The following PPFIBP2 variants were observed in gnomAD, a reference collection of about 807,000 sequenced individuals.
PPFIBP2 encodes PPFIB scaffold protein 2.
In PPFIBP2, 118 loss-of-function variants were observed where a neutral mutation model predicts 118.3. That is an observed-to-expected ratio of 1.00 (90% CI 0.86 to 1.16). PPFIBP2 has a LOEUF of 1.16. PPFIBP2 is among the 50% of genes most tolerant of loss of function. The probability of loss-of-function intolerance (pLI) is 0.00; values close to 1 mark genes in which losing one functional copy is unlikely to be tolerated. For synonymous variants in PPFIBP2, 414 were observed against 397.4 expected (o/e 1.04, Z -0.50); for missense variants, 1,195 against 1,073.1 (o/e 1.11, Z -1.59).
intron 2 of PPFIBP2, among the ~76,000 whole-genome samples, chr11:7,549,744 C>G (rs190165420): frequency 4.9e-4 from 74 of 150,262 alleles, no homozygotes; most frequent in Middle Eastern, 3.4e-3. Flanking sequence ...TGTGATCGTT[C>G]TGGTCTCTGC....
At chr11:7,630,889 T>G in intron 10 of PPFIBP2, 36 bp from the exon 11 acceptor site, 4 of 1,474,042 alleles carry the variant, frequency 2.7e-6, no homozygotes, top group Non-Finnish European at 3.8e-6. Context: ...TGAACATGAA[T>G]TCAACAATTC....
At chr11:7,666,367 C>A in the PPFIBP2 span, 1 of 900,468 alleles carries the variant, frequency 1.1e-6, no homozygotes. Flanking sequence ...AAAACTAAAA[C>A]AAAACAAAGA....
rs376418185 is a variant in PPFIBP2 at position 7,641,633 on chromosome 11, C to T, written c.1517+13C>T. 34 of 1,612,648 alleles carry T rather than the reference C, an allele frequency of 2.1e-5. No homozygotes were observed. The highest frequency in any genetic ancestry group is 1.9e-4 in the African/African-American group (14 of 74,968). On this transcript the variant is annotated intron_variant, in intron 16 of 23. Coordinates refer to ENST00000299492, the MANE Select transcript of PPFIBP2 (RefSeq NM_003621.5). ...AGTTCTGGGGAAAGTAAGTTGGTGC[C>T]GTTGATCCTAATTATATTGCTTAGA...
intron 2 of PPFIBP2, 88 bp from the exon 3 acceptor site, chr11:7,565,465 C>G (rs1854856266): frequency 2.2e-6 from 3 of 1,363,910 alleles, no homozygotes; most frequent in Non-Finnish European, 3.1e-6. Flanking sequence ...GTCCCTTTCA[C>G]CGTTTCTTCA....
At chr11:7,581,380 C>CA (rs766714980) in intron 3 of PPFIBP2, among the ~76,000 whole-genome samples, 43 of 152,244 alleles carry the variant, frequency 2.8e-4, no homozygotes, top group Non-Finnish European at 5.6e-4. Flanking sequence ...TCCTGGCTTC[C>CA]AGCACTCTCA....
chr11:7,519,466 A>G (rs1181296338), intron 1 of PPFIBP2, among the ~76,000 whole-genome samples: 1 of 152,176 alleles, frequency 6.6e-6, no homozygotes, highest in African/African-American at 2.4e-5. Context: ...GTAAAGTCGA[A>G]TGTTTCATTT....
intron 2 of PPFIBP2, among the ~76,000 whole-genome samples, chr11:7,552,271 A>C (rs1853081133): frequency 6.6e-6 from 1 of 152,244 alleles, no homozygotes; most frequent in South Asian, 2.1e-4. Context: ...TGACATGCGT[A>C]AGGTGCTTAG....
Position 7,565,578 on chromosome 11 carries a change from T to C in PPFIBP2, c.90T>C (p.Ser30=). 2 of 1,614,216 alleles carry C rather than the reference T, an allele frequency of 1.2e-6. No homozygotes were observed. Among genetic ancestry groups the C allele is most frequent in the Non-Finnish European group, 1.7e-6 (2 of 1,180,036 alleles). The change falls in exon 3 of 24, where the codon AGT becomes AGC. Residue 30 remains serine, a synonymous_variant. Coordinates refer to ENST00000299492, the MANE Select transcript of PPFIBP2 (RefSeq NM_003621.5). Reference sequence around the variant, plus strand: ...GCACTAAAACAGGTGCAGATCTTAGTGATGGTACTTGTGAGCCTGGACTGG... The same window carrying C: ...GCACTAAAACAGGTGCAGATCTTAGCGATGGTACTTGTGAGCCTGGACTGG... The part of the protein sequence containing the change: ...IAGTKTGADL[S]DGTCEPGLAS...
chr11:7,580,728 T>G (rs1287135245), intron 3 of PPFIBP2, among the ~76,000 whole-genome samples: 1 of 152,204 alleles, frequency 6.6e-6, no homozygotes, highest in Non-Finnish European at 1.5e-5. Context: ...TGGATTTCTT[T>G]AACTATAAAA....
At chr11:7,604,218 G>A (rs1289736435) in intron 5 of PPFIBP2, among the ~76,000 whole-genome samples, 3 of 152,186 alleles carry the variant, frequency 2.0e-5, no homozygotes, top group Admixed American at 2.0e-4. Context: ...AGAAAGGTCA[G>A]GAAAACCGAG....
In PPFIBP2 at chr11:7,616,015, G is replaced by C. The variant is rs957044294; in HGVS notation, c.619-4920G>C. ...CTTGAAAGGAAGTAGTTTTCAGAGG[G>C]GCTTCTACAAAAGGCAGAAAGGACA... On this transcript the variant is annotated intron_variant, in intron 6 of 23. Transcript: ENST00000299492. The surrounding 1 kb of genome is among the most constrained non-coding windows in gnomAD (Gnocchi z 5.2). 3.9e-5 allele frequency among the ~76,000 whole-genome samples: 6 copies of C among 152,128 alleles called. No homozygotes were observed. Among genetic ancestry groups the C allele is most frequent in the Admixed American group, 2.0e-4 (3 of 15,268 alleles).
intron 3 of PPFIBP2, among the ~76,000 whole-genome samples, chr11:7,586,725 G>A (rs1858275246): frequency 6.6e-6 from 1 of 152,164 alleles, no homozygotes; most frequent in Non-Finnish European, 1.5e-5. Context: ...GGAGGAGGAT[G>A]CAATAGGAAT....
At chr11:7,656,747 GCTGCTGAATGA>G (rs1854728034), downstream of PPFIBP2, 1 of 1,289,720 alleles carries the variant, frequency 7.8e-7, no homozygotes, top group African/African-American at 1.5e-5. Context: ...GCCAGGACCA[GCTGCTGAATGA>G]CTCTCGCCTG....
intron 1 of PPFIBP2, among the ~76,000 whole-genome samples, chr11:7,544,037 A>C (rs1050457031): frequency 6.6e-6 from 1 of 152,214 alleles, no homozygotes; most frequent in South Asian, 2.1e-4. Context: ...GGTAGCGAAG[A>C]GAAGGGTTAA....
At chr11:7,599,078 CT>C (rs11300719) in intron 5 of PPFIBP2, among the ~76,000 whole-genome samples, 14,132 of 151,234 alleles carry the variant, frequency 0.093, 1,112 homozygotes, top group African/African-American at 0.19. Flanking sequence ...TCCTAAAAAT[CT>C]GACTAGCAAA....
chr11:7,637,972 T>C (rs1487972059), intron 14 of PPFIBP2, among the ~76,000 whole-genome samples: 2 of 152,196 alleles, frequency 1.3e-5, no homozygotes, highest in African/African-American at 4.8e-5. Flanking sequence ...TGCGTGATGA[T>C]GCAACCAGAA....
At position 7,653,751 on chromosome 11, in the gene PPFIBP2, C is replaced by T. The variant is rs999441243; in HGVS notation, c.*533C>T. ...TCTTGTAATAAAAGCAATATTTATG[C>T]GGAAAGCAAGCAGCTCACCATATCT... On this transcript the variant is annotated 3_prime_UTR_variant, in exon 24 of 24. Coordinates refer to ENST00000299492, the MANE Select transcript of PPFIBP2 (RefSeq NM_003621.5). The T allele has an allele frequency of 9.9e-6, 12 of 1,209,016 alleles. No individual in the cohort carries two copies. Among genetic ancestry groups the T allele is most frequent in the African/African-American group, 9.6e-5 (6 of 62,802 alleles). The allele number at this position is 1,209,016 out of a possible 1,614,324, so 74.9% of individuals were successfully genotyped here.
intron 5 of PPFIBP2, chr11:7,605,993 T>C (rs1847292131): frequency 2.0e-6 from 3 of 1,535,384 alleles, no homozygotes; most frequent in African/African-American, 2.7e-5. Flanking sequence ...TGGAAGCTAT[T>C]GAGGAGACGG....
At chr11:7,665,193 G>C in the PPFIBP2 span, 55 of 496,932 alleles carry the variant, frequency 1.1e-4, no homozygotes, top group South Asian at 2.0e-3. Flanking sequence ...GGCCCCAGCA[G>C]CCAGTCTCCA....
Sources: gnomAD v4.1 joint callset for allele counts (sites outside exome capture counted in the v4.1 genomes callset) on GRCh38, gnomAD v4.1.1 for gene constraint, Gnocchi (gnomAD v3.1) non-coding constraint, MANE v1.5 for transcripts, NCBI Gene and HGNC (gene_info 2026-07-23, HGNC 2026-07-21) for gene names.